The following PUDP variants were observed in gnomAD, a reference collection of about 807,000 sequenced individuals.
PUDP encodes the protein pseudouridine-5'-phosphatase.
In PUDP, 8 loss-of-function variants were observed where a neutral mutation model predicts 9.4. The observed-to-expected ratio is 0.85, with a 90% confidence interval of 0.50 to 1.53. PUDP has a LOEUF of 1.53. PUDP is among the 40% of genes most tolerant of loss of function. The probability of loss-of-function intolerance (pLI) is 0.00; values close to 1 mark genes in which losing one functional copy is unlikely to be tolerated. For synonymous variants in PUDP, 99 were observed against 80.7 expected (o/e 1.23, Z -1.22); for missense variants, 188 against 189.7 (o/e 0.99, Z 0.05).
At chrX:6,993,263 T>C (rs1406583428) in intron 1 of PUDP, among the ~76,000 whole-genome samples, 4 of 111,998 alleles carry the variant, frequency 3.6e-5, no homozygotes, top group Non-Finnish European at 7.5e-5. Context: ...GCATGTCCCT[T>C]AGCACCTTGG....
intron 3 of PUDP, among the ~76,000 whole-genome samples, chrX:6,947,990 ACTAT>A (rs1928494347): frequency 9.0e-6 from 1 of 111,513 alleles, no homozygotes; most frequent in African/African-American, 3.3e-5. Context: ...TTCAAATGAT[ACTAT>A]CTTTCACAGC....
chrX:6,971,015 C>T, intron 3 of PUDP, among the ~76,000 whole-genome samples: 1 of 110,744 alleles, frequency 9.0e-6, no homozygotes, highest in Non-Finnish European at 1.9e-5. Flanking sequence ...CACACCACTG[C>T]ACTCCAGCCT....
At chrX:7,072,521 AAAT>A (rs1406213959) in intron 3 of PUDP, among the ~76,000 whole-genome samples, 1 of 112,023 alleles carries the variant, frequency 8.9e-6, no homozygotes, top group Non-Finnish European at 1.9e-5. Flanking sequence ...AGGCTGTAAA[AAAT>A]TGATTTCCAG....
At chrX:7,020,081 G>C (rs907582024) in intron 1 of PUDP, among the ~76,000 whole-genome samples, 1 of 110,345 alleles carries the variant, frequency 9.1e-6, no homozygotes, top group Non-Finnish European at 1.9e-5. Context: ...GTTTGTGGAC[G>C]TCTGACATGC....
chrX:7,077,101 T>C (rs926515902), intron 3 of PUDP, 119 bp downstream of exon 3: 76 of 1,080,908 alleles, frequency 7.0e-5, no homozygotes, highest in African/African-American at 1.7e-4. Flanking sequence ...CTAGGGAGCA[T>C]TGCAAAGTGG....
At chrX:6,842,092 C>A (rs1926681850) in intron 3 of PUDP, among the ~76,000 whole-genome samples, 1 of 111,797 alleles carries the variant, frequency 8.9e-6, no homozygotes, top group South Asian at 3.7e-4. Context: ...ACATTTGTTT[C>A]AATGTGAATA....
intron 1 of PUDP, among the ~76,000 whole-genome samples, chrX:7,133,873 T>C (rs1198324836): frequency 8.9e-6 from 1 of 112,355 alleles, no homozygotes; most frequent in Non-Finnish European, 1.9e-5. Flanking sequence ...TATGAGAGGA[T>C]ATGATTTTAC....
At chrX:7,137,247 A>T (rs1374092073) in intron 1 of PUDP, among the ~76,000 whole-genome samples, 2 of 107,526 alleles carry the variant, frequency 1.9e-5, no homozygotes, top group South Asian at 4.2e-4. Flanking sequence ...ATCTCAAAAA[A>T]AAAAAATAAA....
chrX:6,752,057 C>T (rs975228877), intron 3 of PUDP, among the ~76,000 whole-genome samples: 7 of 111,335 alleles, frequency 6.3e-5, no homozygotes, highest in Non-Finnish European at 9.4e-5. Flanking sequence ...CTTTATTCTT[C>T]TCAAATTGTT....
chrX:7,117,111 G>C, intron 1 of PUDP: 2 of 1,134,433 alleles, frequency 1.8e-6, no homozygotes, highest in Non-Finnish European at 2.3e-6. Flanking sequence ...GGCAATGCAA[G>C]CACGGCCTAA....
At chrX:7,083,003 G>T (rs1243465669) in intron 2 of PUDP, among the ~76,000 whole-genome samples, 1 of 112,357 alleles carries the variant, frequency 8.9e-6, no homozygotes, top group Non-Finnish European at 1.9e-5. Context: ...GGAAACGGAG[G>T]CAGAGACTGA....
At chrX:7,021,744 G>C (rs1569141064) in intron 1 of PUDP, among the ~76,000 whole-genome samples, 2 of 111,581 alleles carry the variant, frequency 1.8e-5, no homozygotes, top group Non-Finnish European at 1.9e-5. Flanking sequence ...GCAATGGCTG[G>C]GTATGATTTC....
intron 3 of PUDP, among the ~76,000 whole-genome samples, chrX:6,908,096 A>T (rs1261398758): frequency 8.9e-6 from 1 of 112,457 alleles, no homozygotes; most frequent in East Asian, 2.8e-4. Flanking sequence ...AGGGCCACCC[A>T]GTACAATACA....
intron 3 of PUDP, among the ~76,000 whole-genome samples, chrX:6,840,506 A>ATACT (rs1009848726): frequency 3.6e-5 from 4 of 112,516 alleles, no homozygotes; most frequent in Admixed American, 9.4e-5. Flanking sequence ...AGAAGGCTAC[A>ATACT]TACTATATGA....
At chrX:6,777,292 T>C (rs1211513933) in intron 3 of PUDP, among the ~76,000 whole-genome samples, 1 of 112,128 alleles carries the variant, frequency 8.9e-6, no homozygotes, top group Non-Finnish European at 1.9e-5. Context: ...TAGATAATAA[T>C]GATAGAACTT....
intron 3 of PUDP, among the ~76,000 whole-genome samples, chrX:6,919,402 G>A (rs1002023357): frequency 9.0e-6 from 1 of 111,368 alleles, no homozygotes; most frequent in African/African-American, 3.3e-5. Context: ...AAGCCCTGGA[G>A]GGCTGTTATT....
At chrX:6,739,512 G>A (rs1202460737) in intron 3 of PUDP, among the ~76,000 whole-genome samples, 1 of 111,499 alleles carries the variant, frequency 9.0e-6, no homozygotes, top group East Asian at 2.8e-4. Flanking sequence ...AAATGGCAGA[G>A]TGTGTGTGTC....
chrX:6,986,529 G>T (rs1472748699), intron 1 of PUDP, among the ~76,000 whole-genome samples: 1 of 111,897 alleles, frequency 8.9e-6, no homozygotes, highest in Non-Finnish European at 1.9e-5. Flanking sequence ...AAGTCTGAAA[G>T]AGGCACCCCT....
rs376627192 is a variant in PUDP at position 6,736,896 on chromosome X, C to G, written c.*248-30430G>C. 1.4e-4 allele frequency among the ~76,000 whole-genome samples: 16 copies of G among 111,781 alleles called. No homozygotes were observed. In the South Asian group the frequency reaches 5.7e-3, roughly 40 times the overall value. On this transcript the variant is annotated intron_variant and NMD_transcript_variant, in intron 3 of 3. Transcript: ENST00000655425. ...GGGTGAAGATTCAAAAACCACTTATCAGGTACTATGCTGATTACTTGCATG... is the reference window on the plus strand; with the variant it reads ...GGGTGAAGATTCAAAAACCACTTATGAGGTACTATGCTGATTACTTGCATG...
Sources: gnomAD v4.1 joint callset for allele counts (sites outside exome capture counted in the v4.1 genomes callset) on GRCh38, gnomAD v4.1.1 for gene constraint, MANE v1.5 for transcripts, NCBI Gene and HGNC (gene_info 2026-07-23, HGNC 2026-07-21) for gene names.